Variants in TTYH2 observed in about 807,000 individuals in gnomAD.
The protein encoded by TTYH2 is tweety family member 2.
A neutral mutation model predicts 68.3 loss-of-function variants in TTYH2; 49 were observed. The observed-to-expected ratio is 0.72, with a 90% CI of 0.57 to 0.91. The LOEUF is 0.91. Among genes scored for constraint, TTYH2 ranks in the 40% least tolerant of loss-of-function variants. TTYH2 has a pLI of 0.00. For missense variants in TTYH2, 631 were observed against 700.4 expected (o/e 0.90, Z 1.12); for synonymous variants, 272 against 300.8 (o/e 0.90, Z 0.99).
chr17:74,225,802 T>G (rs1461855281), intron 2 of TTYH2, among the ~76,000 whole-genome samples: 1 of 152,126 alleles, frequency 6.6e-6, no homozygotes, highest in Admixed American at 6.5e-5. Flanking sequence ...GCCCGAGACA[T>G]TCCGTGTGAG....
At chr17:74,216,341 T>G (rs1477319842) in intron 1 of TTYH2, among the ~76,000 whole-genome samples, 1 of 151,918 alleles carries the variant, frequency 6.6e-6, no homozygotes, top group Non-Finnish European at 1.5e-5. Context: ...GGTGGGTGCG[T>G]GTGCATCAGA....
intron 3 of TTYH2, among the ~76,000 whole-genome samples, chr17:74,235,011 T>G (rs1031778373): frequency 6.6e-6 from 1 of 152,216 alleles, no homozygotes; most frequent in African/African-American, 2.4e-5. Flanking sequence ...CTGTCGAATC[T>G]GCACATGGTA....
chr17:74,251,303 A>G (rs2050624506), intron 10 of TTYH2, among the ~76,000 whole-genome samples: 2 of 132,854 alleles, frequency 1.5e-5, no homozygotes, highest in South Asian at 2.4e-4. Context: ...GTGTGTGTGC[A>G]TGTGTGTTGT....
intron 2 of TTYH2, among the ~76,000 whole-genome samples, chr17:74,227,306 C>T (rs891334056): frequency 2.0e-5 from 3 of 152,146 alleles, no homozygotes; most frequent in Non-Finnish European, 4.4e-5. Flanking sequence ...AATTTCACAG[C>T]CCCTCCTGGC....
At chr17:74,253,028 C>T (rs112407680) in intron 11 of TTYH2, 53 bp from the exon 12 acceptor site, 48 of 1,595,034 alleles carry the variant, frequency 3.0e-5, no homozygotes, top group Middle Eastern at 3.3e-4. Flanking sequence ...ACCTGGCTGC[C>T]TCGGAGCCTC....
At chr17:74,238,310 C>G (rs1027377134) in intron 4 of TTYH2, among the ~76,000 whole-genome samples, 2 of 152,220 alleles carry the variant, frequency 1.3e-5, no homozygotes, top group Non-Finnish European at 2.9e-5. Flanking sequence ...AGGGGAGGCT[C>G]TGACCTACAA....
chr17:74,221,806 G>A (rs532665623), intron 1 of TTYH2, among the ~76,000 whole-genome samples: 1 of 152,282 alleles, frequency 6.6e-6, no homozygotes, highest in Admixed American at 6.5e-5. Context: ...GGGGTGCAGT[G>A]GAAGGGACTC....
intron 5 of TTYH2, 128 bp downstream of exon 5, chr17:74,243,597 C>A (rs2050524382): frequency 2.2e-6 from 2 of 925,236 alleles, no homozygotes; most frequent in East Asian, 5.1e-5. Context: ...CACCTTCTGC[C>A]CCGTCCTCAG....
At chr17:74,216,235 C>G (rs891773834) in intron 1 of TTYH2, among the ~76,000 whole-genome samples, 2 of 152,156 alleles carry the variant, frequency 1.3e-5, no homozygotes, top group Non-Finnish European at 2.9e-5. Context: ...TCCACAGACT[C>G]TGATTGGGGG....
At chr17:74,249,472 C>A in intron 8 of TTYH2, 73 bp downstream of exon 8, 1 of 1,540,576 alleles carries the variant, frequency 6.5e-7, no homozygotes, top group Non-Finnish European at 8.9e-7. Flanking sequence ...CACCACTGAC[C>A]AAGATGGCGG....
At chr17:74,252,130 A>C (rs1361462982) in intron 10 of TTYH2, 104 bp from the exon 11 acceptor site, 3 of 1,455,370 alleles carry the variant, frequency 2.1e-6, no homozygotes, top group Non-Finnish European at 2.8e-6. Flanking sequence ...CAGCCAGGAG[A>C]CCCCAGGTCC....
At chr17:74,252,521 G>C (rs1326162157) in intron 11 of TTYH2, 145 bp downstream of exon 11, 2 of 1,072,540 alleles carry the variant, frequency 1.9e-6, no homozygotes, top group Non-Finnish European at 1.3e-6. Flanking sequence ...CAACAGGCTG[G>C]CTGACTTCTA....
Position 74,248,331 on chromosome 17 carries a change from G to A in TTYH2, c.805-680G>A, listed in dbSNP as rs137979135. The stretch of plus-strand genomic sequence containing the variant: ...TGCTGCCGCCTCTCCTGGGGCCTGC[G>A]TCTGCTCCCACCCTGCCGCATGGGC... On this transcript the variant is annotated intron_variant, in intron 6 of 13. Transcript: ENST00000269346. 4,015 of 985,968 alleles carry A rather than the reference G, an allele frequency of 4.1e-3. 127 individuals carry two copies. In the African/African-American group the frequency reaches 0.062, roughly 15 times the overall value. The allele number at this position is 985,968 out of a possible 1,614,324, so 61.1% of individuals were successfully genotyped here. A position where few individuals can be genotyped will look rare whatever the true frequency, so the allele number is the denominator to read the frequency against.
chr17:74,241,942 A>T lies in TTYH2; in HGVS notation c.636-1432A>T, dbSNP rs777354029. On this transcript the variant is annotated intron_variant, in intron 4 of 13. Transcript: ENST00000269346. The surrounding 1 kb of genome is among the most constrained non-coding windows in gnomAD (Gnocchi z 4.1). ...AGGGCACTTTGTTTGGGGTCTTCTC[A>T]GTGTCCGTTGGCTTAAGATACTTTG... Among the ~76,000 whole-genome samples, 3 of 152,208 alleles carry T rather than the reference A, an allele frequency of 2.0e-5. No homozygotes were observed. The highest frequency in any genetic ancestry group is 4.4e-5 in the Non-Finnish European group (3 of 68,034).
Position 74,215,746 on chromosome 17 carries a change from T to C in TTYH2, c.129+2030T>C. ...CCCTGTTGTGACCACAGGTCTCTCC[T>C]GGATGTCTTCTTTCCTCCTGAGCAC... On this transcript the variant is annotated intron_variant, in intron 1 of 13. Coordinates refer to ENST00000269346, the MANE Select transcript of TTYH2 (RefSeq NM_032646.6). The surrounding 1 kb of genome is among the most constrained non-coding windows in gnomAD (Gnocchi z 4.3). 6.6e-7 allele frequency: 1 copy of C among 1,526,590 alleles called. No homozygotes were observed. The highest frequency in any genetic ancestry group is 8.8e-7 in the Non-Finnish European group (1 of 1,138,616). The allele number at this position is 1,526,590 out of a possible 1,614,324, so 94.6% of individuals were successfully genotyped here.
chr17:74,247,588 T>G lies in TTYH2; in HGVS notation c.805-1423T>G, dbSNP rs145542905. ...CTTGGACTGGAGCCTCCTGTCCCTC[T>G]CCTTTCTTGGTTCCCAAACTTCTTG... On this transcript the variant is annotated intron_variant, in intron 6 of 13. Transcript: ENST00000269346. Among the ~76,000 whole-genome samples, 138 of 152,196 alleles carry G rather than the reference T, an allele frequency of 9.1e-4. 2 individuals carry two copies. The Middle Eastern group carries it at 0.027, about 30-fold the overall frequency.
intron 4 of TTYH2, among the ~76,000 whole-genome samples, chr17:74,242,315 G>A (rs1391395749): frequency 6.6e-6 from 1 of 152,190 alleles, no homozygotes; most frequent in Non-Finnish European, 1.5e-5. Context: ...GGTCAGAAAC[G>A]AGCCCACTCA....
chr17:74,254,179 A>AT (rs1343894166), intron 13 of TTYH2, among the ~76,000 whole-genome samples: 2 of 122,336 alleles, frequency 1.6e-5, no homozygotes, highest in African/African-American at 6.8e-5. Flanking sequence ...TTATTTATTT[A>AT]TTTATTTATT....
At chr17:74,252,839 AGT>A (rs67497536) in intron 11 of TTYH2, among the ~76,000 whole-genome samples, 1 of 152,150 alleles carries the variant, frequency 6.6e-6, no homozygotes, top group Admixed American at 6.5e-5. Context: ...GACGCAGGGT[AGT>A]GGGGACCCAC....
Sources: gnomAD v4.1 joint callset for allele counts (sites outside exome capture counted in the v4.1 genomes callset) on GRCh38, gnomAD v4.1.1 for gene constraint, Gnocchi (gnomAD v3.1) non-coding constraint, MANE v1.5 for transcripts, NCBI Gene and HGNC (gene_info 2026-07-23, HGNC 2026-07-21) for gene names.